Variants in SIRT5 observed in about 807,000 individuals in gnomAD.
SIRT5 encodes the protein NAD-dependent protein deacylase sirtuin-5, mitochondrial.
Under a neutral mutation model 40.0 loss-of-function variants are expected in SIRT5, and 26 were observed. That is an observed-to-expected ratio of 0.65 (90% CI 0.48 to 0.90). The LOEUF (loss-of-function observed/expected upper bound fraction) is 0.90. Ranked by LOEUF, SIRT5 falls within the 40% of genes least tolerant of loss-of-function variation. The pLI is 0.00. For missense variants in SIRT5, 401 were observed against 402.4 expected, an observed-to-expected ratio of 1.00 and a Z score of 0.03; for synonymous variants, 146 against 149.1, an observed-to-expected ratio of 0.98 and a Z score of 0.15.
At chr6:13,604,432 A>G in intron 9 of SIRT5, 1 of 1,151,194 alleles carries the variant, frequency 8.7e-7, no homozygotes, top group Non-Finnish European at 1.3e-6. Flanking sequence ...GCAGGACCTG[A>G]GCTATGTCCC....
intron 9 of SIRT5, 45 bp downstream of exon 9, chr6:13,600,994 AC>A: frequency 6.9e-7 from 1 of 1,438,910 alleles, no homozygotes; most frequent in Non-Finnish European, 9.8e-7. Context: ...GGAGGCAGGT[AC>A]AGACATGGTC....
At chr6:13,585,171 A>C (rs1294034234) in intron 3 of SIRT5, 1 of 152,094 alleles carries the variant, frequency 6.6e-6, no homozygotes, top group Non-Finnish European at 1.5e-5. Context: ...GTTGGTTGCA[A>C]CCTGACGAGA....
chr6:13,600,452 G>A (rs1181604289), intron 8 of SIRT5, among the ~76,000 whole-genome samples: 1 of 152,174 alleles, frequency 6.6e-6, no homozygotes, highest in Non-Finnish European at 1.5e-5. Context: ...TGGATGATAT[G>A]TATGTTTTTT....
intron 3 of SIRT5, among the ~76,000 whole-genome samples, chr6:13,587,915 C>A (rs1219234662): frequency 1.3e-5 from 2 of 152,186 alleles, no homozygotes; most frequent in Non-Finnish European, 2.9e-5. Context: ...TCAGCACTCA[C>A]ACAAACATAC....
At chr6:13,584,289 T>C (rs1490883397) in intron 3 of SIRT5, 64 bp downstream of exon 3, 1 of 1,150,576 alleles carries the variant, frequency 8.7e-7, no homozygotes, top group East Asian at 2.3e-5. Context: ...GTCCTACACT[T>C]CGAGAGGAAT....
At chr6:13,597,161 CAA>C (rs1761664649) in intron 7 of SIRT5, 145 bp downstream of exon 7, 2 of 636,540 alleles carry the variant, frequency 3.1e-6, no homozygotes, top group South Asian at 4.1e-5. Flanking sequence ...TCTCTGAGAC[CAA>C]AAGTGAAAGG....
intron 9 of SIRT5, chr6:13,605,463 C>T (rs1453951416): frequency 2.0e-6 from 2 of 985,284 alleles, no homozygotes; most frequent in Non-Finnish European, 2.4e-6. Context: ...TCTTTGTTAC[C>T]TAAATAGGCA....
chr6:13,575,920 G>A (rs1317966032), intron 1 of SIRT5, among the ~76,000 whole-genome samples: 2 of 152,124 alleles, frequency 1.3e-5, no homozygotes, highest in Non-Finnish European at 2.9e-5. Context: ...GTCCTTCTGT[G>A]CCTGGCTTAT....
At chr6:13,577,716 T>A (rs1377778407) in intron 1 of SIRT5, among the ~76,000 whole-genome samples, 4 of 148,510 alleles carry the variant, frequency 2.7e-5, no homozygotes, top group Non-Finnish European at 4.5e-5. Flanking sequence ...ATTATATATC[T>A]ATATTTTATA....
chr6:13,603,811 A>G (rs550222238), intron 9 of SIRT5, among the ~76,000 whole-genome samples: 1 of 152,248 alleles, frequency 6.6e-6, no homozygotes. Flanking sequence ...CATCGACTGA[A>G]GGATGAATAA....
intron 9 of SIRT5, 29 bp downstream of exon 9, chr6:13,600,978 G>A (rs773463860): frequency 1.3e-6 from 2 of 1,540,480 alleles, no homozygotes; most frequent in South Asian, 2.2e-5. Context: ...GGGAGAGGGA[G>A]ATGTGGGAGG....
intron 5 of SIRT5, among the ~76,000 whole-genome samples, chr6:13,593,438 TC>T (rs1562271601): frequency 6.6e-6 from 1 of 152,334 alleles, no homozygotes; most frequent in East Asian, 1.9e-4. Flanking sequence ...TGAGCCACTT[TC>T]CATGTGCCTC....
intron 2 of SIRT5, among the ~76,000 whole-genome samples, chr6:13,582,231 C>T (rs1209507681): frequency 6.6e-6 from 1 of 152,204 alleles, no homozygotes; most frequent in Non-Finnish European, 1.5e-5. Flanking sequence ...TAGCGTTTCC[C>T]ACCCTATACT....
rs1386525406 is a variant in SIRT5, at chr6:13,614,501, A to G, written c.*2636A>G. 6.6e-6 allele frequency: 1 copy of G among 152,292 alleles called. No homozygotes were observed. The highest frequency in any genetic ancestry group is 3.2e-3 in the Middle Eastern group (1 of 316). 9.4% of individuals were successfully genotyped at this position (152,292 alleles called of 1,614,324 possible). A position where few individuals can be genotyped will look rare whatever the true frequency, so the allele number is the denominator to read the frequency against. ...GTTGTATAATGGATGGGAGGAGAGAAACACAGCGATCACAAAGGGCCATGT... is the reference window on the plus strand; with the variant it reads ...GTTGTATAATGGATGGGAGGAGAGAGACACAGCGATCACAAAGGGCCATGT... On this transcript the variant is annotated 3_prime_UTR_variant, in exon 10 of 10. Coordinates refer to ENST00000606117, the MANE Select transcript of SIRT5 (RefSeq NM_012241.5).
At chr6:13,602,780 C>A (rs1017009387) in intron 9 of SIRT5, among the ~76,000 whole-genome samples, 1 of 151,892 alleles carries the variant, frequency 6.6e-6, no homozygotes, top group African/African-American at 2.4e-5. Context: ...AAAAAATAAC[C>A]CAAAATGGAT....
intron 9 of SIRT5, among the ~76,000 whole-genome samples, chr6:13,603,873 C>T (rs1339618779): frequency 6.6e-6 from 1 of 152,152 alleles, no homozygotes; most frequent in Admixed American, 6.5e-5. Flanking sequence ...ATAAAAAGAA[C>T]GAGATATCCA....
chr6:13,598,674 C>T (rs1435896608), intron 7 of SIRT5, among the ~76,000 whole-genome samples: 6 of 151,844 alleles, frequency 4.0e-5, no homozygotes, highest in African/African-American at 7.3e-5. Flanking sequence ...ACTAAGAATA[C>T]GAAAATTAGC....
intron 9 of SIRT5, among the ~76,000 whole-genome samples, chr6:13,610,794 G>A (rs373175318): frequency 3.9e-5 from 6 of 152,160 alleles, no homozygotes; most frequent in Non-Finnish European, 8.8e-5. Context: ...TGTAGTCTGG[G>A]CTGTCCATTA....
At chr6:13,577,010 G>A (rs888312927) in intron 1 of SIRT5, among the ~76,000 whole-genome samples, 1 of 152,140 alleles carries the variant, frequency 6.6e-6, no homozygotes, top group Non-Finnish European at 1.5e-5. Context: ...ATTGGTTGAT[G>A]TGCCGATTTT....
Sources: allele counts gnomAD v4.1 joint callset (sites outside exome capture counted in the v4.1 genomes callset), GRCh38; gene constraint gnomAD v4.1.1; transcripts MANE v1.5; gene names NCBI Gene and HGNC (gene_info 2026-07-23, HGNC 2026-07-21).